The following PKN3 variants were observed in gnomAD, a reference collection of about 807,000 sequenced individuals.
PKN3 encodes serine/threonine-protein kinase N3.
In PKN3, 91 loss-of-function variants were observed where a neutral mutation model predicts 113.1. That is an observed-to-expected ratio of 0.80 (90% CI 0.68 to 0.96). PKN3 has a LOEUF of 0.96. Among genes scored for constraint, PKN3 ranks in the 40% least tolerant of loss-of-function variants. The pLI is 0.00. For synonymous variants in PKN3, 467 were observed against 499.0 expected, an observed-to-expected ratio of 0.94 and a Z score of 0.85; for missense variants, 1,052 against 1,202.2, an observed-to-expected ratio of 0.88 and a Z score of 1.85.
Position 128,720,592 on chromosome 9 carries a change from T to C in PKN3, c.2656T>C (p.Phe886Leu). Reference protein sequence around the residue: ...FRDFDFVSERFLEP With the variant: ...FRDFDFVSERLLEP ...GGACTTCGACTTTGTGTCAGAGCGA[T>C]TCCTGGAACCCTGAGGGCATCTCCT... Residue 886 changes from phenylalanine (F) to leucine (L), a missense_variant, in exon 22 of 22, where the codon TTC becomes CTC. Coordinates refer to ENST00000291906, the MANE Select transcript of PKN3 (RefSeq NM_013355.5). The surrounding 1 kb of genome is among the most constrained non-coding windows in gnomAD (Gnocchi z 5.5). 1 of 1,613,112 alleles carries C rather than the reference T, an allele frequency of 6.2e-7. No homozygotes were observed. The highest frequency in any genetic ancestry group is 8.5e-7 in the Non-Finnish European group (1 of 1,179,882).
Position 128,705,446 on chromosome 9 carries a change from G to A in PKN3, c.168G>A (p.Leu56=), listed in dbSNP as rs1399587909. 1 of 1,580,846 alleles carries A rather than the reference G, an allele frequency of 6.3e-7. No individual in the cohort carries two copies. Among genetic ancestry groups the A allele is most frequent in the South Asian group, 1.2e-5 (1 of 86,844 alleles). The change falls in exon 2 of 22, where the codon CTG becomes CTA. Residue 56 remains leucine, a synonymous_variant. Transcript: ENST00000291906. ...GCCACTTGGGCCATGTGCAGCAGCTGCTGCGGTCCTCCAACCGCCGCCTGG... is the reference window on the plus strand; with the variant it reads ...GCCACTTGGGCCATGTGCAGCAGCTACTGCGGTCCTCCAACCGCCGCCTGG... ...DRRHLGHVQQ[L]LRSSNRRLEQ...
chr9:128,702,745 G>T lies in PKN3; in HGVS notation c.-171G>T. ...TCCCGGGCGCTGGATCGGCGCGGAC[G>T]GGAGGCGGCGCTGGTCCCGCGGGCC... On this transcript the variant is annotated 5_prime_UTR_variant, in exon 1 of 22. Coordinates refer to ENST00000291906, the MANE Select transcript of PKN3 (RefSeq NM_013355.5). The T allele has an allele frequency of 3.7e-6, 2 of 543,682 alleles. No individual in the cohort carries two copies. Among genetic ancestry groups the T allele is most frequent in the South Asian group, 2.3e-5 (1 of 43,184 alleles). 33.7% of individuals were successfully genotyped at this position (543,682 alleles called of 1,614,324 possible).
At chr9:128,714,971 C>G (rs371477684) in intron 13 of PKN3, 106 bp downstream of exon 13, 1 of 1,200,042 alleles carries the variant, frequency 8.3e-7, no homozygotes. Context: ...GGTGCGCTGA[C>G]TGGCTCTCGG....
intron 18 of PKN3, among the ~76,000 whole-genome samples, chr9:128,718,964 C>T (rs1344473558): frequency 2.7e-5 from 4 of 147,678 alleles, no homozygotes; most frequent in South Asian, 2.2e-4. Flanking sequence ...GGTGCAGTCT[C>T]GGCTCACTGC....
At chr9:128,705,697 G>C (rs755568657) in intron 2 of PKN3, 37 bp from the exon 3 acceptor site, 53 of 1,568,268 alleles carry the variant, frequency 3.4e-5, no homozygotes, top group Admixed American at 7.4e-5. Context: ...CTCGGCTCTG[G>C]GTGAGGGACT....
At chr9:128,716,430 T>C (rs944348555) in intron 15 of PKN3, among the ~76,000 whole-genome samples, 10 of 151,522 alleles carry the variant, frequency 6.6e-5, no homozygotes, top group African/African-American at 2.4e-4. Context: ...AAACCCTGCG[T>C]CTACTAAAAA....
Position 128,707,501 on chromosome 9 carries a change from C to G in PKN3, c.835+96C>G, listed in dbSNP as rs1589478818. ...TGATGAAGAGTTCAAGAGTTCCAGT[C>G]CTGCCCCAGCACCCACTAGCAGCGT... is the stretch of plus-strand genomic sequence containing the variant. On this transcript the variant is annotated intron_variant, in intron 6 of 21. Coordinates refer to ENST00000291906, the MANE Select transcript of PKN3 (RefSeq NM_013355.5). 3.0e-5 allele frequency: 31 copies of G among 1,029,322 alleles called. No individual in the cohort carries two copies. In the East Asian group the frequency reaches 7.8e-4, roughly 26 times the overall value. 63.8% of individuals were successfully genotyped at this position (1,029,322 alleles called of 1,614,324 possible).
chr9:128,713,604 TC>T lies in PKN3; in HGVS notation c.1201del (p.Leu401SerfsTer13). 4.3e-6 allele frequency: 7 copies of T among 1,613,768 alleles called. No individual in the cohort carries two copies. Among genetic ancestry groups the T allele is most frequent in the Non-Finnish European group, 5.9e-6 (7 of 1,179,998 alleles). On this transcript the variant is annotated frameshift_variant, in exon 9 of 22. Transcript: ENST00000291906. LOFTEE classifies it high-confidence loss of function. ...DFLDNACHQL[S>X]LSLVPQGLLF... ...CCTGGACAATGCCTGTCACCAACTG[TC>T]CCTCAGCCTGGTACCGCAGGGACTG...
Position 128,717,047 on chromosome 9 carries a change from T to G in PKN3, c.1985+124T>G. 3 of 679,144 alleles carry G rather than the reference T, an allele frequency of 4.4e-6. No homozygotes were observed. In the East Asian group the frequency reaches 8.4e-5, roughly 19 times the overall value. 42.1% of individuals were successfully genotyped at this position (679,144 alleles called of 1,614,324 possible). ...GGGAGCAGGAGTCAGAGGCCTTGGT[T>G]TACATCCTGGCACCAACTGACAGCA... On this transcript the variant is annotated intron_variant, in intron 16 of 21. Coordinates refer to ENST00000291906, the MANE Select transcript of PKN3 (RefSeq NM_013355.5).
chr9:128,715,056 T>G lies in PKN3; in HGVS notation c.1653-116T>G. 1 of 1,206,070 alleles carries G rather than the reference T, an allele frequency of 8.3e-7. No individual in the cohort carries two copies. Among genetic ancestry groups the G allele is most frequent in the Non-Finnish European group, 1.2e-6 (1 of 823,678 alleles). 74.7% of individuals were successfully genotyped at this position (1,206,070 alleles called of 1,614,324 possible). A position where few individuals can be genotyped will look rare whatever the true frequency, so the allele number is the denominator to read the frequency against. The stretch of plus-strand genomic sequence containing the variant: ...TCTAGGAGTCCTTACTGCAGGGCTT[T>G]TTCGAGCCCATAGGTCGGGACAGCC... On this transcript the variant is annotated intron_variant, in intron 13 of 21. Transcript: ENST00000291906. This position sits in a 1 kb window ranked among gnomAD's most constrained non-coding sequence, Gnocchi z 4.1.
chr9:128,715,220 G>T lies in PKN3; in HGVS notation c.1701G>T (p.Arg567=). The T allele has an allele frequency of 1.2e-6, 2 of 1,614,078 alleles. No homozygotes were observed. The highest frequency in any genetic ancestry group is 1.7e-6 in the Non-Finnish European group (2 of 1,180,018). ...TCCGCTGCTTAGCTGTGCTGGGCCG[G>T]GGACACTTTGGGAAGGTAGTGGGCT... ...QDFRCLAVLG[R]GHFGKVLLVQ... is the part of the protein sequence containing the mutation. Residue 567 remains arginine, a synonymous_variant, in exon 14 of 22, where the codon CGG becomes CGT. Coordinates refer to ENST00000291906, the MANE Select transcript of PKN3 (RefSeq NM_013355.5). The surrounding 1 kb of genome is among the most constrained non-coding windows in gnomAD (Gnocchi z 4.1).
rs1862516305 is a variant in PKN3 at position 128,720,737 on chromosome 9, C to T, written c.*131C>T. ...GAGCCCTTGGGATTCAAAGTGGCAG[C>T]CATGGGGCCACTGTTGTGGGCTTTG... On this transcript the variant is annotated 3_prime_UTR_variant, in exon 22 of 22. Transcript: ENST00000291906. The surrounding 1 kb of genome is among the most constrained non-coding windows in gnomAD (Gnocchi z 5.5). 2 of 768,398 alleles carry T rather than the reference C, an allele frequency of 2.6e-6. No homozygotes were observed. The highest frequency in any genetic ancestry group is 4.2e-6 in the Non-Finnish European group (2 of 475,790). 47.6% of individuals were successfully genotyped at this position (768,398 alleles called of 1,614,324 possible).
intron 18 of PKN3, among the ~76,000 whole-genome samples, chr9:128,719,471 G>C (rs991606140): frequency 2.6e-5 from 4 of 152,178 alleles, no homozygotes; most frequent in Non-Finnish European, 5.9e-5. Context: ...TTACAGGTGT[G>C]AGCCACCGCA....
chr9:128,706,010 C>A, intron 3 of PKN3, 131 bp downstream of exon 3: 1 of 953,134 alleles, frequency 1.0e-6, no homozygotes, highest in Non-Finnish European at 1.5e-6. Context: ...CAGCCCCAAA[C>A]CCCAGCTGGG....
rs140646616 is a variant in PKN3, at chr9:128,706,882, C to T, written c.524-14C>T. The T allele has an allele frequency of 1.4e-4, 218 of 1,613,958 alleles. No homozygotes were observed. The African/African-American group carries it at 2.6e-3, about 19-fold the overall frequency. On this transcript the variant is annotated splice_polypyrimidine_tract_variant and intron_variant, in intron 4 of 21. Transcript: ENST00000291906. ...GGGAAGAGCAGGGCCTGAGAGCCGC[C>T]GTCCTTCCCACAGGGCCTGAGCTGC...
chr9:128,713,320 G>GGCAGACGGGCC lies in PKN3; in HGVS notation c.1035_1036insCGCAGACGGGC (p.Trp346ArgfsTer45). ...CTAAAGGTGGACAACCGTGTTGTGG[G>GGCAGACGGGCC]GCAGACGGGCTGGGGGCAGGTGGCC... is the stretch of plus-strand genomic sequence containing the variant. On this transcript the variant is annotated frameshift_variant, in exon 8 of 22. Coordinates refer to ENST00000291906, the MANE Select transcript of PKN3 (RefSeq NM_013355.5). LOFTEE classifies it high-confidence loss of function. 1 of 1,614,142 alleles carries GGCAGACGGGCC rather than the reference G, an allele frequency of 6.2e-7. No homozygotes were observed. Among genetic ancestry groups the GGCAGACGGGCC allele is most frequent in the Non-Finnish European group, 8.5e-7 (1 of 1,180,034 alleles).
rs1281126217 is a variant in PKN3 at position 128,718,326 on chromosome 9, T to TTCTAC, written c.1988_1992dup (p.Val665SerfsTer23). 1 of 1,613,894 alleles carries TTCTAC rather than the reference T, an allele frequency of 6.2e-7. No homozygotes were observed. Among genetic ancestry groups the TTCTAC allele is most frequent in the Admixed American group, 1.7e-5 (1 of 60,004 alleles). ...GTTCTCCCATAACCACCCCTGCAGC[T>TTCTAC]TCTACGTGGCTTGTGTTGTCCTGGG... On this transcript the variant is annotated frameshift_variant and splice_region_variant, in exon 17 of 22. Transcript: ENST00000291906. LOFTEE classifies it high-confidence loss of function.
In PKN3 at chr9:128,702,663, T is replaced by C. The variant is rs35667518; in HGVS notation, c.-253T>C. The C allele has an allele frequency of 2.9e-5, 13 of 444,474 alleles. No individual in the cohort carries two copies. Among genetic ancestry groups the C allele is most frequent in the Non-Finnish European group, 4.7e-5 (12 of 254,322 alleles). 27.5% of individuals were successfully genotyped at this position (444,474 alleles called of 1,614,324 possible). A position where few individuals can be genotyped will look rare whatever the true frequency, so the allele number is the denominator to read the frequency against. ...CGAAGCCCGGGTACTGGGCCCAGAA[T>C]CCCGCGGAATTTTGGATCCGAGGGA... On this transcript the variant is annotated 5_prime_UTR_variant, in exon 1 of 22. Coordinates refer to ENST00000291906, the MANE Select transcript of PKN3 (RefSeq NM_013355.5).
At position 128,720,021 on chromosome 9, in the gene PKN3, A is replaced by G; in HGVS notation, c.2376+4A>G. 1 of 1,611,586 alleles carries G rather than the reference A, an allele frequency of 6.2e-7. No homozygotes were observed. The highest frequency in any genetic ancestry group is 8.5e-7 in the Non-Finnish European group (1 of 1,177,830). ...AGGGCTTGAGTTCATTCAGAAGGTA[A>G]GCACTGCGGGGTCTGGGGCTGGGCT... On this transcript the variant is annotated splice_donor_region_variant and intron_variant, in intron 20 of 21. Transcript: ENST00000291906. This position sits in a 1 kb window ranked among gnomAD's most constrained non-coding sequence, Gnocchi z 5.5.
Sources: allele counts gnomAD v4.1 joint callset (sites outside exome capture counted in the v4.1 genomes callset), GRCh38; gene constraint gnomAD v4.1.1; non-coding constraint Gnocchi (gnomAD v3.1); transcripts MANE v1.5; gene names NCBI Gene and HGNC (gene_info 2026-07-23, HGNC 2026-07-21).